HERC2: variants seen among roughly 807,000 people sequenced by gnomAD.
HERC2 encodes the protein HECT and RLD domain containing E3 ubiquitin protein ligase 2.
Under a neutral mutation model 537.7 loss-of-function variants are expected in HERC2, and 102 were observed. The observed-to-expected ratio is 0.19, with a 90% CI of 0.16 to 0.22. The LOEUF is 0.22. Ranked by LOEUF, HERC2 falls within the 10% of genes least tolerant of loss-of-function variation. HERC2 has a pLI of 1.00. For missense variants in HERC2, 4,236 were observed against 6,198.2 expected, an observed-to-expected ratio of 0.68 and a Z score of 10.63; for synonymous variants, 2,224 against 2,466.2, an observed-to-expected ratio of 0.90 and a Z score of 2.91.
At chr15:28,125,619 C>T (rs1270944398) in intron 83 of HERC2, among the ~76,000 whole-genome samples, 2 of 152,224 alleles carry the variant, frequency 1.3e-5, no homozygotes, top group African/African-American at 4.8e-5. Flanking sequence ...ATATCCCTAA[C>T]ATTCCAAATT....
At chr15:28,299,270 T>G (rs1389744047) in intron 3 of HERC2, 132 bp downstream of exon 3, 2 of 476,348 alleles carry the variant, frequency 4.2e-6, no homozygotes, top group African/African-American at 4.0e-5. Context: ...GACAACAATC[T>G]CCAAAGTAAA....
At chr15:28,147,212 A>AC (rs1891841361) in intron 70 of HERC2, among the ~76,000 whole-genome samples, 1 of 152,142 alleles carries the variant, frequency 6.6e-6, no homozygotes. Flanking sequence ...GGTGGACTAG[A>AC]TATAAAGCGA....
chr15:28,179,412 C>T (rs544942203), intron 57 of HERC2, among the ~76,000 whole-genome samples, 189 bp from the exon 58 acceptor site: 108 of 152,350 alleles, frequency 7.1e-4, no homozygotes, highest in Non-Finnish European at 1.4e-3. Flanking sequence ...TCCTTACTGC[C>T]TAGTGGTGTC....
chr15:28,143,807 C>T, intron 74 of HERC2, 66 bp downstream of exon 74: 1 of 1,598,758 alleles, frequency 6.3e-7, no homozygotes, highest in African/African-American at 1.3e-5. Flanking sequence ...GAGGTTTAGA[C>T]TACTAAAGCA....
At chr15:28,160,719 C>T (rs1287994792) in intron 69 of HERC2, among the ~76,000 whole-genome samples, 1 of 152,212 alleles carries the variant, frequency 6.6e-6, no homozygotes, top group Non-Finnish European at 1.5e-5. Context: ...AGCTCATGCT[C>T]GGTGCACTGC....
intron 16 of HERC2, among the ~76,000 whole-genome samples, chr15:28,258,871 A>G (rs999194502): frequency 6.6e-5 from 10 of 152,212 alleles, no homozygotes; most frequent in South Asian, 6.2e-4. Flanking sequence ...AAAGATACAA[A>G]TTATCAGAAT....
At chr15:28,300,259 A>G (rs1236800890) in intron 2 of HERC2, among the ~76,000 whole-genome samples, 3 of 150,842 alleles carry the variant, frequency 2.0e-5, no homozygotes, top group East Asian at 2.0e-4. Flanking sequence ...TGAAACATAC[A>G]TGACTTTCAT....
chr15:28,207,491 T>A (rs1234216351), intron 44 of HERC2, among the ~76,000 whole-genome samples: 2 of 152,166 alleles, frequency 1.3e-5, no homozygotes, highest in Non-Finnish European at 2.9e-5. Context: ...CACAGACACA[T>A]CCCACGTGCA....
chr15:28,206,967 C>T (rs1898544064), intron 44 of HERC2, among the ~76,000 whole-genome samples: 1 of 150,486 alleles, frequency 6.6e-6, no homozygotes, highest in Non-Finnish European at 1.5e-5. Context: ...GCCAATATCA[C>T]ACCACCATAC....
rs768130151 is a variant in HERC2, at chr15:28,132,239, C to T, written c.12431G>A (p.Arg4144His). 119 of 1,612,276 alleles carry T rather than the reference C, an allele frequency of 7.4e-5. No individual in the cohort carries two copies. Among genetic ancestry groups the T allele is most frequent in the Admixed American group, 1.0e-4 (6 of 59,860 alleles). ...PKLVEALQGH[R>H]VVDIACGSGD... ...ACTGCCACAGGCGATGTCAACCACA[C>T]GGTGGCCCTGCAGCGCCTCCACCTT... Residue 4144 changes from arginine to histidine, a missense_variant, in exon 81 of 93, where the codon CGT (arginine) becomes CAT (histidine). Coordinates refer to ENST00000261609, the MANE Select transcript of HERC2 (RefSeq NM_004667.6).
At position 28,122,971 on chromosome 15, in the gene HERC2, C is replaced by T. The variant is rs969442628; in HGVS notation, c.13188+1066G>A. On this transcript the variant is annotated intron_variant, in intron 85 of 92. Transcript: ENST00000261609. This position sits in a 1 kb window ranked among gnomAD's most constrained non-coding sequence, Gnocchi z 4.1. ...TTTCCTCTGTGCTGCCTATTATCAT[C>T]ACCACTTTGAAGGATTAAAAAAAGA... 2.0e-5 allele frequency among the ~76,000 whole-genome samples: 3 copies of T among 152,144 alleles called. No individual in the cohort carries two copies. Among genetic ancestry groups the T allele is most frequent in the African/African-American group, 7.2e-5 (3 of 41,422 alleles).
intron 19 of HERC2, among the ~76,000 whole-genome samples, chr15:28,255,114 T>A (rs950453775): frequency 6.6e-6 from 1 of 152,196 alleles, no homozygotes; most frequent in African/African-American, 2.4e-5. Context: ...GGTGGGGGGA[T>A]CACTGGAGCC....
intron 4 of HERC2, among the ~76,000 whole-genome samples, chr15:28,289,238 GA>G (rs553608194): frequency 6.6e-6 from 1 of 152,138 alleles, no homozygotes; most frequent in Non-Finnish European, 1.5e-5. Flanking sequence ...CACAAAGGTT[GA>G]AAGTGAAAAA....
chr15:28,277,648 C>T (rs1271761490), intron 5 of HERC2, among the ~76,000 whole-genome samples: 1 of 152,134 alleles, frequency 6.6e-6, no homozygotes, highest in African/African-American at 2.4e-5. Flanking sequence ...CACAACAGTG[C>T]TTGGACAATC....
Position 28,279,615 on chromosome 15 carries a change from C to CCACACACACACACACA in HERC2, c.542+437_542+452dup, listed in dbSNP as rs58447102. ...TGAGGCCAGGAGCAAGACCCCATCT[C>CCACACACACACACACA]CACACACACACACACACACACACAC... On this transcript the variant is annotated intron_variant, in intron 5 of 92. Coordinates refer to ENST00000261609, the MANE Select transcript of HERC2 (RefSeq NM_004667.6). Among the ~76,000 whole-genome samples, 779 of 141,660 alleles carry CCACACACACACACACA rather than the reference C, an allele frequency of 5.5e-3. 7 individuals are homozygous for CCACACACACACACACA. The highest frequency in any genetic ancestry group is 0.02 in the African/African-American group (740 of 37,784). 92.9% of individuals were successfully genotyped at this position (141,660 alleles called of 152,430 possible). A position where few individuals can be genotyped will look rare whatever the true frequency, so the allele number is the denominator to read the frequency against.
chr15:28,308,409 C>T (rs2076851334), intron 2 of HERC2, among the ~76,000 whole-genome samples: 1 of 152,230 alleles, frequency 6.6e-6, no homozygotes, highest in South Asian at 2.1e-4. Flanking sequence ...ATTTCGTATA[C>T]TGCAATTGTA....
At position 28,177,358 on chromosome 15, in the gene HERC2, C is replaced by T; in HGVS notation, c.9254+61G>A. ...TTCTAATTTTCTGCAAAATAATTCT[C>T]AAGAGTATCAGTCAGAAACAGTTTC... On this transcript the variant is annotated intron_variant, in intron 60 of 92. Transcript: ENST00000261609. The surrounding 1 kb of genome is among the most constrained non-coding windows in gnomAD (Gnocchi z 5.0). The T allele has an allele frequency of 1.3e-6, 2 of 1,499,454 alleles. No individual in the cohort carries two copies. The highest frequency in any genetic ancestry group is 1.9e-6 in the Non-Finnish European group (2 of 1,077,730). The allele number at this position is 1,499,454 out of a possible 1,614,324, so 92.9% of individuals were successfully genotyped here. A position where few individuals can be genotyped will look rare whatever the true frequency, so the allele number is the denominator to read the frequency against.
At chr15:28,243,039 A>AG (rs1435200278) in intron 23 of HERC2, among the ~76,000 whole-genome samples, 6 of 152,236 alleles carry the variant, frequency 3.9e-5, no homozygotes, top group Non-Finnish European at 8.8e-5. Context: ...ACAATGCACT[A>AG]CAGGTCCTAG....
intron 50 of HERC2, among the ~76,000 whole-genome samples, chr15:28,196,878 T>C (rs943307572): frequency 6.6e-6 from 1 of 152,224 alleles, no homozygotes; most frequent in Non-Finnish European, 1.5e-5. Flanking sequence ...AGGTTTAAAA[T>C]AGGACATTTT....
Sources: gnomAD v4.1 joint callset for allele counts (sites outside exome capture counted in the v4.1 genomes callset) on GRCh38, gnomAD v4.1.1 for gene constraint, Gnocchi (gnomAD v3.1) non-coding constraint, MANE v1.5 for transcripts, NCBI Gene and HGNC (gene_info 2026-07-23, HGNC 2026-07-21) for gene names.